Variants in DTNBP1 observed in about 807,000 individuals in gnomAD.
The protein encoded by DTNBP1 is dystrobrevin binding protein 1, also known as dysbindin.
In DTNBP1, 35 loss-of-function variants were observed where a neutral mutation model predicts 42.8. The ratio of observed to expected loss-of-function variants is 0.82; its 90% CI spans 0.63 to 1.09. DTNBP1 has a LOEUF of 1.09. DTNBP1 is among the 50% of genes least tolerant of loss of function. The pLI is 0.00. For synonymous variants in DTNBP1, 171 were observed against 162.2 expected (o/e 1.05, Z -0.41); for missense variants, 457 against 424.2 (o/e 1.08, Z -0.68).
intron 6 of DTNBP1, among the ~76,000 whole-genome samples, chr6:15,606,766 C>T (rs921611586): frequency 2.6e-5 from 4 of 152,112 alleles, no homozygotes; most frequent in Admixed American, 6.6e-5. Context: ...CACATATTAT[C>T]GTTTTCTTCA....
chr6:15,526,589 C>G (rs999058296), intron 8 of DTNBP1, among the ~76,000 whole-genome samples: 1 of 152,112 alleles, frequency 6.6e-6, no homozygotes, highest in African/African-American at 2.4e-5. Flanking sequence ...CGGACTTGGC[C>G]GGGGGTTGAG....
At chr6:15,544,193 C>CT (rs1773743288) in intron 7 of DTNBP1, among the ~76,000 whole-genome samples, 1 of 152,234 alleles carries the variant, frequency 6.6e-6, no homozygotes, top group East Asian at 1.9e-4. Flanking sequence ...CTGAGACTCG[C>CT]TTTTTTCACT....
intron 3 of DTNBP1, among the ~76,000 whole-genome samples, chr6:15,648,248 C>T (rs1469176839): frequency 1.3e-5 from 2 of 151,918 alleles, no homozygotes; most frequent in Non-Finnish European, 1.5e-5. Flanking sequence ...AGGGAACAAT[C>T]TCAACATAAT....
At chr6:15,591,491 C>T (rs1205747686) in intron 7 of DTNBP1, among the ~76,000 whole-genome samples, 1 of 152,124 alleles carries the variant, frequency 6.6e-6, no homozygotes, top group Non-Finnish European at 1.5e-5. Flanking sequence ...AGATATAATG[C>T]AACATTCAAT....
chr6:15,523,477 CT>C, intron 9 of DTNBP1: 1 of 1,292,418 alleles, frequency 7.7e-7, no homozygotes, highest in Non-Finnish European at 1.0e-6. Context: ...GCTCCTAAGG[CT>C]GTAATACGCG....
intron 8 of DTNBP1, among the ~76,000 whole-genome samples, chr6:15,527,291 C>T (rs978419295): frequency 6.6e-6 from 1 of 152,110 alleles, no homozygotes; most frequent in Non-Finnish European, 1.5e-5. Flanking sequence ...TGTCACTATA[C>T]CTATTTGATG....
Position 15,546,435 on chromosome 6 carries a change from C to G in DTNBP1, c.512-13040G>C, listed in dbSNP as rs144963046. On this transcript the variant is annotated intron_variant, in intron 7 of 9. Transcript: ENST00000344537. Reference sequence around the variant, plus strand: ...TGATTGGAGCAGGAAAGGGTGATCCCAAAGCCTATCTTGTTTTTAGTATAA... The same window carrying G: ...TGATTGGAGCAGGAAAGGGTGATCCGAAAGCCTATCTTGTTTTTAGTATAA... 3.0e-3 allele frequency among the ~76,000 whole-genome samples: 449 copies of G among 152,118 alleles called. 2 individuals carry two copies. The highest frequency in any genetic ancestry group is 3.6e-3 in the Non-Finnish European group (245 of 68,008).
chr6:15,641,963 T>C (rs1258726088), intron 3 of DTNBP1, among the ~76,000 whole-genome samples: 1 of 152,194 alleles, frequency 6.6e-6, no homozygotes, highest in Non-Finnish European at 1.5e-5. Flanking sequence ...GGTCATCTCC[T>C]GCATCCCCCT....
chr6:15,624,707 C>T (rs1759240636), intron 5 of DTNBP1, among the ~76,000 whole-genome samples: 1 of 151,952 alleles, frequency 6.6e-6, no homozygotes, highest in Non-Finnish European at 1.5e-5. Flanking sequence ...AATCGGTTAC[C>T]ATTTTCTTCT....
At chr6:15,636,771 C>T in intron 4 of DTNBP1, among the ~76,000 whole-genome samples, 1 of 152,160 alleles carries the variant, frequency 6.6e-6, no homozygotes, top group East Asian at 1.9e-4. Flanking sequence ...GTATTTTGAT[C>T]CCGACTTCCA....
intron 4 of DTNBP1, among the ~76,000 whole-genome samples, chr6:15,637,377 T>C (rs1760091372): frequency 6.6e-6 from 1 of 152,192 alleles, no homozygotes; most frequent in South Asian, 2.1e-4. Flanking sequence ...GACCAAATAA[T>C]AAGGAATTCT....
chr6:15,523,922 C>T, intron 9 of DTNBP1: 1 of 1,287,332 alleles, frequency 7.8e-7, no homozygotes, highest in East Asian at 5.5e-5. Context: ...GCTGGGACGA[C>T]TGAGCTTTGC....
chr6:15,546,063 CTTTTTTTT>C, intron 7 of DTNBP1: 5 of 310,212 alleles, frequency 1.6e-5, no homozygotes, highest in Admixed American at 4.2e-5. Context: ...ACCTCCAGTT[CTTTTTTTT>C]TTTTTTTTTT....
chr6:15,640,318 AC>A (rs1483147433), intron 3 of DTNBP1, among the ~76,000 whole-genome samples: 2 of 152,036 alleles, frequency 1.3e-5, no homozygotes, highest in Non-Finnish European at 2.9e-5. Context: ...GGATGAACTT[AC>A]TCCATTTTAC....
At chr6:15,581,487 T>A (rs1175621944) in intron 7 of DTNBP1, among the ~76,000 whole-genome samples, 10 of 142,286 alleles carry the variant, frequency 7.0e-5, no homozygotes, top group African/African-American at 2.6e-4. Context: ...TGTTTTTTTT[T>A]TTTTTTTTTT....
At chr6:15,592,974 A>T in intron 7 of DTNBP1, 85 bp downstream of exon 7, 5 of 1,316,794 alleles carry the variant, frequency 3.8e-6, no homozygotes, top group Non-Finnish European at 5.2e-6. Flanking sequence ...ATTTTAAAAA[A>T]TGAGTTTGTT....
intron 3 of DTNBP1, among the ~76,000 whole-genome samples, chr6:15,646,199 T>A (rs968972899): frequency 6.6e-6 from 1 of 151,752 alleles, no homozygotes; most frequent in Non-Finnish European, 1.5e-5. Flanking sequence ...GCAGCATTTT[T>A]ATACACCAAC....
chr6:15,624,061 C>T (rs904995919), intron 5 of DTNBP1, among the ~76,000 whole-genome samples: 6 of 152,188 alleles, frequency 3.9e-5, no homozygotes, highest in African/African-American at 1.4e-4. Context: ...TTGTTCACTG[C>T]TGTGTGTCCA....
intron 6 of DTNBP1, among the ~76,000 whole-genome samples, chr6:15,594,950 G>A (rs1483732234): frequency 6.6e-6 from 1 of 152,130 alleles, no homozygotes; most frequent in Non-Finnish European, 1.5e-5. Flanking sequence ...AAGGAATCCA[G>A]CAACTACTAT....
Sources: allele counts gnomAD v4.1 joint callset (sites outside exome capture counted in the v4.1 genomes callset), GRCh38; gene constraint gnomAD v4.1.1; transcripts MANE v1.5; gene names NCBI Gene and HGNC (gene_info 2026-07-23, HGNC 2026-07-21).